Variants in RALGAPA1 observed in about 807,000 individuals in gnomAD.
The protein encoded by RALGAPA1 is ral GTPase-activating protein subunit alpha-1.
A neutral mutation model predicts 269.6 loss-of-function variants in RALGAPA1; 52 were observed. The observed-to-expected ratio is 0.19, with a 90% CI of 0.15 to 0.24. RALGAPA1 has a LOEUF of 0.24. Among genes scored for constraint, RALGAPA1 ranks in the 10% least tolerant of loss-of-function variants. The pLI is 1.00. For synonymous variants in RALGAPA1, 817 were observed against 1,008.3 expected, an observed-to-expected ratio of 0.81 and a Z score of 3.60; for missense variants, 1,917 against 3,013.9, an observed-to-expected ratio of 0.64 and a Z score of 8.52.
Position 35,655,843 on chromosome 14 carries a change from A to G in RALGAPA1, c.5460T>C (p.Ile1820=). 1 of 1,613,546 alleles carries G rather than the reference A, an allele frequency of 6.2e-7. No individual in the cohort carries two copies. Among genetic ancestry groups the G allele is most frequent in the South Asian group, 1.1e-5 (1 of 91,030 alleles). The change falls in exon 29 of 42, where the codon ATT becomes ATC. Residue 1820 remains isoleucine (I), a synonymous_variant. Transcript: ENST00000680220. ...ELVHESHHPQ[I]KEALNVICVS... The stretch of plus-strand genomic sequence containing the variant: ...CACAAATCACATTCAGAGCTTCCTT[A>G]ATTTGAGGATGATGAGACTCATGGA...
intron 41 of RALGAPA1, among the ~76,000 whole-genome samples, chr14:35,543,282 G>GT (rs2054170036): frequency 6.6e-6 from 1 of 152,254 alleles, no homozygotes; most frequent in Admixed American, 6.5e-5. Context: ...TAGGAGCACA[G>GT]TAAGTATAGC....
chr14:35,764,090 C>CTT (rs5807843), intron 4 of RALGAPA1, among the ~76,000 whole-genome samples: 1 of 137,880 alleles, frequency 7.3e-6, no homozygotes, highest in South Asian at 2.3e-4. Context: ...TTTAGTTGTT[C>CTT]TTTTTTTTTT....
chr14:35,687,210 AAAAAAACCCAAAATAGTT>A (rs1320147144), intron 18 of RALGAPA1, among the ~76,000 whole-genome samples: 1 of 152,140 alleles, frequency 6.6e-6, no homozygotes, highest in Non-Finnish European at 1.5e-5. Context: ...TTTTCTTACC[AAAAAAACCCAAAATAGTT>A]ATTTTGATTT....
At chr14:35,604,088 T>TA (rs1340585162) in intron 36 of RALGAPA1, among the ~76,000 whole-genome samples, 1 of 152,128 alleles carries the variant, frequency 6.6e-6, no homozygotes, top group Non-Finnish European at 1.5e-5. Flanking sequence ...TGTATGCACT[T>TA]ACCAAAATTA....
chr14:35,657,690 T>TATATA lies in RALGAPA1; in HGVS notation c.5387+1447_5387+1448insTATAT, dbSNP rs528310943. ...TTGAGAAGCAACATATATATATATA[T>TATATA]TTTTTTTTTTTTTTGGTAAAAAAAA... On this transcript the variant is annotated intron_variant, in intron 28 of 41. Transcript: ENST00000680220. Among the ~76,000 whole-genome samples, 536 of 141,634 alleles carry TATATA rather than the reference T, an allele frequency of 3.8e-3. 3 individuals are homozygous for TATATA. Among genetic ancestry groups the TATATA allele is most frequent in the African/African-American group, 0.013 (483 of 38,088 alleles). The allele number at this position is 141,634 out of a possible 152,430, so 92.9% of individuals were successfully genotyped here.
intron 39 of RALGAPA1, among the ~76,000 whole-genome samples, chr14:35,560,532 T>A (rs1182390188): frequency 6.6e-6 from 1 of 152,300 alleles, no homozygotes; most frequent in East Asian, 1.9e-4. Context: ...CCACTTAAAA[T>A]TAATCACCTT....
At chr14:35,650,663 T>C (rs2062767830) in intron 31 of RALGAPA1, among the ~76,000 whole-genome samples, 1 of 152,192 alleles carries the variant, frequency 6.6e-6, no homozygotes, top group Non-Finnish European at 1.5e-5. Context: ...GAAACATAAC[T>C]ATAGCTTCAG....
At chr14:35,738,872 T>C (rs1478511886) in intron 11 of RALGAPA1, among the ~76,000 whole-genome samples, 2 of 152,116 alleles carry the variant, frequency 1.3e-5, no homozygotes, top group Non-Finnish European at 2.9e-5. Context: ...ACAAAACCCA[T>C]AATGAGCAGC....
intron 39 of RALGAPA1, among the ~76,000 whole-genome samples, chr14:35,550,697 T>G (rs1435573954): frequency 6.6e-6 from 1 of 152,186 alleles, no homozygotes; most frequent in Non-Finnish European, 1.5e-5. Context: ...GCTTTCATAT[T>G]ACAATTTATC....
chr14:35,768,835 C>A (rs2141462159), intron 4 of RALGAPA1, among the ~76,000 whole-genome samples: 1 of 150,828 alleles, frequency 6.6e-6, no homozygotes, highest in South Asian at 2.1e-4. Context: ...ATGCAGAAAC[C>A]CCATCTCTAC....
chr14:35,747,614 T>C (rs1188819423), intron 10 of RALGAPA1, among the ~76,000 whole-genome samples: 4 of 152,202 alleles, frequency 2.6e-5, no homozygotes, highest in Non-Finnish European at 5.9e-5. Context: ...CTCCCTGGAA[T>C]GTGAATGCAG....
intron 17 of RALGAPA1, among the ~76,000 whole-genome samples, chr14:35,694,048 T>C (rs1373761935): frequency 6.6e-6 from 1 of 151,870 alleles, no homozygotes; most frequent in Admixed American, 6.6e-5. Context: ...ACCTGTCACA[T>C]AAGTATGGGC....
At chr14:35,557,098 ATGTGTGTGTGTGTG>A (rs56835063) in intron 39 of RALGAPA1, among the ~76,000 whole-genome samples, 8 of 142,426 alleles carry the variant, frequency 5.6e-5, no homozygotes, top group South Asian at 4.5e-4. Context: ...TCCAATATGT[ATGTGTGTGTGTGTG>A]TGTGTGTGTG....
chr14:35,639,128 C>CA (rs1566894485), intron 31 of RALGAPA1, among the ~76,000 whole-genome samples: 1 of 151,292 alleles, frequency 6.6e-6, no homozygotes, highest in South Asian at 2.1e-4. Context: ...AAATGGAAAC[C>CA]AAAAAAAGCA....
intron 10 of RALGAPA1, among the ~76,000 whole-genome samples, chr14:35,748,147 G>A (rs1195205657): frequency 3.3e-5 from 5 of 150,914 alleles, no homozygotes; most frequent in Non-Finnish European, 7.4e-5. Flanking sequence ...GAGTATAAGG[G>A]GAAAATAATT....
At chr14:35,615,057 GT>G (rs1002674040) in intron 35 of RALGAPA1, among the ~76,000 whole-genome samples, 39 of 152,176 alleles carry the variant, frequency 2.6e-4, no homozygotes, top group Middle Eastern at 3.4e-3. Flanking sequence ...CTGCTAAAAT[GT>G]TTTATATTGT....
intron 16 of RALGAPA1, among the ~76,000 whole-genome samples, chr14:35,716,976 C>A (rs7153687): frequency 0.17 from 26,153 of 152,038 alleles, 2,561 homozygotes; most frequent in African/African-American, 0.26. Flanking sequence ...ATCCTCTTCC[C>A]AAGCAATCCT....
Position 35,775,678 on chromosome 14 carries a change from G to T in RALGAPA1, c.174C>A (p.Phe58Leu). 6.3e-7 allele frequency: 1 copy of T among 1,581,666 alleles called. No homozygotes were observed. Among genetic ancestry groups the T allele is most frequent in the Non-Finnish European group, 8.6e-7 (1 of 1,169,426 alleles). The change falls in exon 2 of 42, where the codon TTC becomes TTA. Residue 58 changes from phenylalanine (F) to leucine (L), a missense_variant. Coordinates refer to ENST00000680220, the MANE Select transcript of RALGAPA1 (RefSeq NM_001346249.2). ...DQHFSHIYYVFFENFVTIEAS... is the reference protein window; with the variant it reads ...DQHFSHIYYVLFENFVTIEAS... ...CTTCAATAGTCACAAAATTTTCAAA[G>T]AACACATAGTATATATGTGAAAAAT... is the stretch of plus-strand genomic sequence containing the variant.
chr14:35,737,798 T>TGTTCACAG (rs2071159955), intron 12 of RALGAPA1, among the ~76,000 whole-genome samples: 1 of 63,126 alleles, frequency 1.6e-5, no homozygotes, highest in Non-Finnish European at 2.7e-5. Flanking sequence ...AAAAAAAGAA[T>TGTTCACAG]GTTCACAGCC....
Sources: allele counts gnomAD v4.1 joint callset (sites outside exome capture counted in the v4.1 genomes callset), GRCh38; gene constraint gnomAD v4.1.1; transcripts MANE v1.5; gene names NCBI Gene and HGNC (gene_info 2026-07-23, HGNC 2026-07-21).